The following COL6A2 variants were observed in gnomAD, a reference collection of about 807,000 sequenced individuals.
COL6A2 encodes the protein collagen type VI alpha 2 chain.
In COL6A2, 90 loss-of-function variants were observed where a neutral mutation model predicts 124.9. The observed-to-expected ratio is 0.72, with a 90% CI of 0.61 to 0.86. COL6A2 has a LOEUF of 0.86. COL6A2 is among the 40% of genes least tolerant of loss of function. The pLI is 0.00. For missense variants in COL6A2, 1,607 were observed against 1,502.5 expected (o/e 1.07, Z -1.15); for synonymous variants, 793 against 618.2 (o/e 1.28, Z -4.19).
At position 46,115,149 on chromosome 21, in the gene COL6A2, C is replaced by T. The variant is rs527302218; in HGVS notation, c.802-723C>T. On this transcript the variant is annotated intron_variant, in intron 5 of 27. Coordinates refer to ENST00000300527, the MANE Select transcript of COL6A2 (RefSeq NM_001849.4). The stretch of plus-strand genomic sequence containing the variant: ...TGGCTGCACACAGCAGTGCAGTGAC[C>T]CGTTCTGTTGGGGGGGCCACTGGAA... 9.7e-4 allele frequency among the ~76,000 whole-genome samples: 147 copies of T among 152,308 alleles called. 1 individual carries two copies. The highest frequency in any genetic ancestry group is 3.4e-3 in the African/African-American group (143 of 41,560).
chr21:46,121,736 G>T lies in COL6A2; in HGVS notation c.1521+118G>T, dbSNP rs2078569901. On this transcript the variant is annotated intron_variant, in intron 18 of 27. Coordinates refer to ENST00000300527, the MANE Select transcript of COL6A2 (RefSeq NM_001849.4). Reference sequence around the variant, plus strand: ...GGCAGACGTGCCTCAGGACGGGCCTGTGCCTCCTGTTCTCAGCTCTGGAGT... The same window carrying T: ...GGCAGACGTGCCTCAGGACGGGCCTTTGCCTCCTGTTCTCAGCTCTGGAGT... 3.1e-6 allele frequency: 3 copies of T among 981,508 alleles called. No homozygotes were observed. In the African/African-American group the frequency reaches 4.8e-5, roughly 16 times the overall value. 60.8% of individuals were successfully genotyped at this position (981,508 alleles called of 1,614,324 possible). A position where few individuals can be genotyped will look rare whatever the true frequency, so the allele number is the denominator to read the frequency against.
intron 17 of COL6A2, 119 bp downstream of exon 17, chr21:46,121,242 G>GCATGGCT: frequency 9.8e-7 from 1 of 1,015,818 alleles, no homozygotes; most frequent in South Asian, 1.3e-5. Context: ...AGCAGAGCCT[G>GCATGGCT]GCCTCAGAAG....
At chr21:46,119,554 T>C (rs1359288629) in intron 14 of COL6A2, among the ~76,000 whole-genome samples, 1 of 152,136 alleles carries the variant, frequency 6.6e-6, no homozygotes, top group African/African-American at 2.4e-5. Context: ...CCCCAGATCA[T>C]TCCTAAATCC....
At chr21:46,124,807 T>G in intron 22 of COL6A2, 78 bp from the exon 23 acceptor site, 1 of 1,599,284 alleles carries the variant, frequency 6.3e-7, no homozygotes, top group Non-Finnish European at 8.6e-7. Flanking sequence ...GACCCACGTA[T>G]CAGTGGGCAG....
chr21:46,111,326 C>A (rs2123612174), intron 1 of COL6A2, 124 bp from the exon 2 acceptor site: 1 of 627,012 alleles, frequency 1.6e-6, no homozygotes, highest in Non-Finnish European at 2.9e-6. Flanking sequence ...GCAGACCCCG[C>A]TTCCTTGAAG....
chr21:46,118,661 G>A lies in COL6A2; in HGVS notation c.1164G>A (p.Gly388=). ...GCAGAGGGCCCCCGGGAGAAATCGG[G>A]GCCAAGGGAAGCAAGGTGAGCCCCT... ...PGRRGPPGEI[G]AKGSKGYQGN... The change falls in exon 13 of 28, where the codon GGG becomes GGA. Residue 388 remains glycine, a synonymous_variant. Transcript: ENST00000300527. 1 of 1,611,452 alleles carries A rather than the reference G, an allele frequency of 6.2e-7. No individual in the cohort carries two copies. The highest frequency in any genetic ancestry group is 8.5e-7 in the Non-Finnish European group (1 of 1,179,576).
intron 15 of COL6A2, 30 bp downstream of exon 15, chr21:46,119,880 T>A: frequency 6.5e-7 from 1 of 1,545,234 alleles, no homozygotes; most frequent in Non-Finnish European, 8.8e-7. Context: ...CAGCCCAGGG[T>A]CTCACTGTGG....
At chr21:46,129,926 G>A in intron 27 of COL6A2, 2 of 839,158 alleles carry the variant, frequency 2.4e-6, no homozygotes, top group Non-Finnish European at 2.9e-6. Context: ...CTGGGATGGG[G>A]CTGAGGGAGG....
At chr21:46,112,761 T>C in intron 3 of COL6A2, 43 bp from the exon 4 acceptor site, 16 of 1,613,060 alleles carry the variant, frequency 9.9e-6, no homozygotes, top group Non-Finnish European at 1.4e-5. Flanking sequence ...CCGCCCCAGG[T>C]CTCGAGGCAC....
chr21:46,117,442 C>G lies in COL6A2; in HGVS notation c.1042C>G (p.Pro348Ala). 1 of 1,612,736 alleles carries G rather than the reference C, an allele frequency of 6.2e-7. No homozygotes were observed. The highest frequency in any genetic ancestry group is 8.5e-7 in the Non-Finnish European group (1 of 1,179,894). Reference protein sequence around the residue: ...RIGPPGCKGDPGNRGPDGYPG... With the variant: ...RIGPPGCKGDAGNRGPDGYPG... ...CGGACCTCCTGGCTGCAAGGGAGAC[C>G]CTGGAAACCGGGTAAGGGCCGTTTG... The change falls in exon 11 of 28, where the codon CCT (proline) becomes GCT (alanine). Residue 348 changes from proline (P) to alanine (A), a missense_variant. Physicochemically the swap from Pro to Ala is conservative, Grantham distance 27 (BLOSUM62 -1). This residue lies in a region of COL6A2 where 1,223 missense variants were observed against 1,052.2 expected (regional missense o/e 1.16). Transcript: ENST00000300527.
chr21:46,118,541 C>T (rs991056105), intron 12 of COL6A2, 73 bp from the exon 13 acceptor site: 3 of 1,437,618 alleles, frequency 2.1e-6, no homozygotes, highest in Non-Finnish European at 2.9e-6. Flanking sequence ...GTGGGTCCTG[C>T]CCCCGCAGCG....
In COL6A2 at chr21:46,124,643, C is replaced by G; in HGVS notation, c.1672-8C>G. 6.2e-7 allele frequency: 1 copy of G among 1,612,906 alleles called. No homozygotes were observed. Among genetic ancestry groups the G allele is most frequent in the Non-Finnish European group, 8.5e-7 (1 of 1,179,874 alleles). ...CACTGAAGCCCACCTGTTCTTGTTC[C>G]TTCTCAGGCGGATCCTGGTCCCCCT... On this transcript the variant is annotated splice_region_variant and splice_polypyrimidine_tract_variant and intron_variant, in intron 21 of 27. Transcript: ENST00000300527.
chr21:46,114,493 C>T (rs2078446005), intron 5 of COL6A2, among the ~76,000 whole-genome samples: 2 of 151,864 alleles, frequency 1.3e-5, no homozygotes, highest in Admixed American at 6.6e-5. Context: ...CTCAACACTT[C>T]TGTCCCTGGA....
At chr21:46,125,654 G>A (rs1306571926) in intron 25 of COL6A2, 37 bp downstream of exon 25, 2 of 1,590,616 alleles carry the variant, frequency 1.3e-6, no homozygotes, top group Non-Finnish European at 1.7e-6. Context: ...ATTGCGGGGG[G>A]CCGGGCGGGG....
Position 46,116,619 on chromosome 21 carries a change from G to A in COL6A2, c.928-32G>A, listed in dbSNP as rs763582020. 1.7e-5 allele frequency: 28 copies of A among 1,612,840 alleles called. No homozygotes were observed. The highest frequency in any genetic ancestry group is 1.7e-4 in the Middle Eastern group (1 of 6,022). ...AGTGCCCATGATGCTTTGAGGCACCGAGCTCACTGCGCCGGCTTTCCTCCT... is the reference window on the plus strand; with the variant it reads ...AGTGCCCATGATGCTTTGAGGCACCAAGCTCACTGCGCCGGCTTTCCTCCT... On this transcript the variant is annotated intron_variant, in intron 8 of 27. Coordinates refer to ENST00000300527, the MANE Select transcript of COL6A2 (RefSeq NM_001849.4). The surrounding 1 kb of genome is among the most constrained non-coding windows in gnomAD (Gnocchi z 4.6).
Position 46,125,834 on chromosome 21 carries a change from C to T in COL6A2, c.2019C>T (p.Ala673=), listed in dbSNP as rs771823896. The change falls in exon 26 of 28, where the codon GCC becomes GCT. Residue 673 remains alanine, a synonymous_variant. Coordinates refer to ENST00000300527, the MANE Select transcript of COL6A2 (RefSeq NM_001849.4). The part of the protein sequence containing the change: ...VQYSHEGTFE[A]IQLDDERIDS... ...ACAGCCACGAGGGCACCTTTGAGGC[C>T]ATCCAGCTGGACGACGAACGTATCG... is the stretch of plus-strand genomic sequence containing the variant. 5 of 1,612,880 alleles carry T rather than the reference C, an allele frequency of 3.1e-6. No individual in the cohort carries two copies. Among genetic ancestry groups the T allele is most frequent in the Admixed American group, 3.3e-5 (2 of 59,986 alleles).
chr21:46,099,889 C>CTTTTTTTTG (rs2078269503), intron 1 of COL6A2, among the ~76,000 whole-genome samples: 1 of 91,840 alleles, frequency 1.1e-5, no homozygotes, highest in Non-Finnish European at 2.1e-5. Flanking sequence ...GCAGCACTGT[C>CTTTTTTTTG]TTTTTTTTTT....
At chr21:46,117,609 G>A (rs889180744) in intron 11 of COL6A2, 156 bp downstream of exon 11, 51 of 854,494 alleles carry the variant, frequency 6.0e-5, no homozygotes, top group Admixed American at 2.3e-4. Flanking sequence ...CTGCCGGGTC[G>A]GAGTCATGTG....
intron 5 of COL6A2, 76 bp downstream of exon 5, chr21:46,114,149 G>A (rs931550119): frequency 2.1e-5 from 27 of 1,283,164 alleles, no homozygotes; most frequent in Middle Eastern, 1.8e-4. Context: ...ACACTTGGCC[G>A]GGCGTGGTGG....
Sources: gnomAD v4.1 joint callset for allele counts (sites outside exome capture counted in the v4.1 genomes callset) on GRCh38, gnomAD v4.1.1 for gene constraint, gnomAD v4.1.1 regional missense constraint, Gnocchi (gnomAD v3.1) non-coding constraint, MANE v1.5 for transcripts, NCBI Gene and HGNC (gene_info 2026-07-23, HGNC 2026-07-21) for gene names.